Variants in ENTREP2 observed in about 807,000 individuals in gnomAD.
The protein encoded by ENTREP2 is protein ENTREP2.
the ENTREP2 span, among the ~76,000 whole-genome samples, chr15:29,157,731 CTTT>C: frequency 2.2e-4 from 28 of 129,586 alleles, no homozygotes; most frequent in East Asian, 4.5e-4. Context: ...ATAGCGACAT[CTTT>C]TTTTTTTTTT....
At chr15:29,200,652 G>C in the ENTREP2 span, among the ~76,000 whole-genome samples, 2 of 151,802 alleles carry the variant, frequency 1.3e-5, no homozygotes, top group African/African-American at 4.8e-5. Context: ...TCTGCCTTCT[G>C]GATTCAAGCA....
chr15:29,402,609 C>T, the ENTREP2 span, among the ~76,000 whole-genome samples: 1 of 152,080 alleles, frequency 6.6e-6, no homozygotes, highest in Non-Finnish European at 1.5e-5. Context: ...TGTGCCCAGC[C>T]ACAGGAGAAT....
chr15:29,527,467 GT>G, the ENTREP2 span, among the ~76,000 whole-genome samples: 3 of 152,090 alleles, frequency 2.0e-5, no homozygotes, highest in East Asian at 5.8e-4. Flanking sequence ...ACAATCAATA[GT>G]TTGTGTCCCT....
the ENTREP2 span, among the ~76,000 whole-genome samples, chr15:29,308,672 C>T: frequency 6.6e-6 from 1 of 152,286 alleles, no homozygotes; most frequent in South Asian, 2.1e-4. Flanking sequence ...TGCAGTGGTA[C>T]CTTGCACATA....
At chr15:29,392,546 A>G in the ENTREP2 span, among the ~76,000 whole-genome samples, 1 of 152,108 alleles carries the variant, frequency 6.6e-6, no homozygotes, top group African/African-American at 2.4e-5. Flanking sequence ...TCTGACTGCC[A>G]TTGTTGCAGC....
At chr15:29,274,319 T>C in the ENTREP2 span, among the ~76,000 whole-genome samples, 7 of 152,320 alleles carry the variant, frequency 4.6e-5, no homozygotes, top group African/African-American at 1.7e-4. Context: ...CAGGAGAAGA[T>C]TATTAAGTTT....
the ENTREP2 span, chr15:29,123,554 A>T: frequency 1.3e-6 from 2 of 1,551,750 alleles, no homozygotes; most frequent in Non-Finnish European, 1.7e-6. Context: ...GTCGCTGGGA[A>T]GGGCTCTGGT....
chr15:29,213,681 G>A, the ENTREP2 span, among the ~76,000 whole-genome samples: 2 of 152,120 alleles, frequency 1.3e-5, no homozygotes, highest in African/African-American at 4.8e-5. Context: ...AGCTTAAGGA[G>A]ATTTTGGGCT....
chr15:29,287,454 T>C, the ENTREP2 span, among the ~76,000 whole-genome samples: 1 of 151,836 alleles, frequency 6.6e-6, no homozygotes, highest in Non-Finnish European at 1.5e-5. Flanking sequence ...CTATTGTTGT[T>C]TTAAGCCATT....
At chr15:29,514,286 C>T in the ENTREP2 span, among the ~76,000 whole-genome samples, 1 of 152,138 alleles carries the variant, frequency 6.6e-6, no homozygotes, top group Non-Finnish European at 1.5e-5. Flanking sequence ...CTAGGTGCCT[C>T]GTATGAGTGG....
At chr15:29,599,135 C>T in the ENTREP2 span, among the ~76,000 whole-genome samples, 89 of 152,344 alleles carry the variant, frequency 5.8e-4, no homozygotes, top group African/African-American at 2.0e-3. Context: ...CTCAGCTCTA[C>T]TGGATGTTAA....
At chr15:29,476,462 G>C in the ENTREP2 span, among the ~76,000 whole-genome samples, 2 of 152,146 alleles carry the variant, frequency 1.3e-5, no homozygotes, top group Admixed American at 1.3e-4. Flanking sequence ...GCTACTCAGT[G>C]GCTGCTGCTG....
the ENTREP2 span, among the ~76,000 whole-genome samples, chr15:29,177,283 T>C: frequency 6.6e-6 from 1 of 152,154 alleles, no homozygotes; most frequent in African/African-American, 2.4e-5. Flanking sequence ...AGCAACTGTA[T>C]GGCAGGATCC....
the ENTREP2 span, among the ~76,000 whole-genome samples, chr15:29,204,928 A>G: frequency 2.6e-4 from 39 of 152,204 alleles, no homozygotes; most frequent in Admixed American, 7.2e-4. Context: ...CCACCTCCAC[A>G]ACTTTTTCAT....
At chr15:29,282,358 C>T in the ENTREP2 span, among the ~76,000 whole-genome samples, 3,459 of 152,288 alleles carry the variant, frequency 0.023, 54 homozygotes, top group Non-Finnish European at 0.033. Flanking sequence ...GGGGCCTCCC[C>T]AGCCACGTGA....
chr15:29,411,370 T>C, the ENTREP2 span, among the ~76,000 whole-genome samples: 1 of 152,130 alleles, frequency 6.6e-6, no homozygotes, highest in Non-Finnish European at 1.5e-5. Context: ...TTGTCAAACT[T>C]CTTAATTGAG....
At chr15:29,537,726 T>G in the ENTREP2 span, among the ~76,000 whole-genome samples, 6 of 152,146 alleles carry the variant, frequency 3.9e-5, no homozygotes, top group Admixed American at 3.9e-4. Context: ...AACCCTCCAG[T>G]AGCTCCTGTT....
chr15:29,117,755 C>T, the ENTREP2 span: 1 of 152,226 alleles, frequency 6.6e-6, no homozygotes, highest in African/African-American at 2.4e-5. Context: ...ACTGTTTGGA[C>T]TTTTATTTTG....
the ENTREP2 span, among the ~76,000 whole-genome samples, chr15:29,670,443 C>T: frequency 1.3e-5 from 2 of 152,218 alleles, no homozygotes; most frequent in South Asian, 2.1e-4. Flanking sequence ...TCAGGCCTTT[C>T]GAGGACTAGG....
Sources: gnomAD v4.1 joint callset for allele counts (sites outside exome capture counted in the v4.1 genomes callset) on GRCh38, gnomAD v4.1.1 for gene constraint, MANE v1.5 for transcripts, NCBI Gene and HGNC (gene_info 2026-07-23, HGNC 2026-07-21) for gene names.